The following SLAIN1 variants were observed in gnomAD, a reference collection of about 807,000 sequenced individuals.
The protein encoded by SLAIN1 is SLAIN motif-containing protein 1.
A neutral mutation model predicts 55.4 loss-of-function variants in SLAIN1; 17 were observed. The ratio of observed to expected loss-of-function variants is 0.31; its 90% CI spans 0.21 to 0.46. SLAIN1 has a LOEUF of 0.46. Among genes scored for constraint, SLAIN1 ranks in the 20% least tolerant of loss-of-function variants. SLAIN1 has a pLI of 1.00. For synonymous variants in SLAIN1, 348 were observed against 337.4 expected, an observed-to-expected ratio of 1.03 and a Z score of -0.35; for missense variants, 682 against 785.1, an observed-to-expected ratio of 0.87 and a Z score of 1.57.
chr13:77,736,751 A>G (rs1873139624), intron 2 of SLAIN1, among the ~76,000 whole-genome samples: 1 of 149,670 alleles, frequency 6.7e-6, no homozygotes, highest in East Asian at 2.0e-4. Context: ...AGTTGCCACT[A>G]TTAACTATTA....
intron 1 of SLAIN1, among the ~76,000 whole-genome samples, chr13:77,706,317 C>T (rs1163465013): frequency 6.6e-6 from 1 of 151,880 alleles, no homozygotes. Flanking sequence ...TAGCTAAGTC[C>T]TGTTAATTGC....
intron 3 of SLAIN1, among the ~76,000 whole-genome samples, chr13:77,746,155 T>A (rs1223976834): frequency 6.6e-6 from 1 of 152,164 alleles, no homozygotes; most frequent in Non-Finnish European, 1.5e-5. Context: ...TTTTAACTCA[T>A]AGCAAACTAT....
chr13:77,740,875 C>G (rs1873391731), intron 2 of SLAIN1, among the ~76,000 whole-genome samples: 1 of 152,092 alleles, frequency 6.6e-6, no homozygotes, highest in Admixed American at 6.6e-5. Flanking sequence ...TCCTCCTCCA[C>G]TGTAACCTTG....
At position 77,760,812 on chromosome 13, in the gene SLAIN1, T is replaced by C; in HGVS notation, c.1415-16T>C. Reference sequence around the variant, plus strand: ...TGGTAGAAGGTTGCTCACATGAATATCATTTTCTCTTCTAGTTCCATCACC... The same window carrying C: ...TGGTAGAAGGTTGCTCACATGAATACCATTTTCTCTTCTAGTTCCATCACC... On this transcript the variant is annotated splice_polypyrimidine_tract_variant and intron_variant, in intron 5 of 6. Transcript: ENST00000418532. 1 of 1,610,020 alleles carries C rather than the reference T, an allele frequency of 6.2e-7. No homozygotes were observed. The highest frequency in any genetic ancestry group is 8.5e-7 in the Non-Finnish European group (1 of 1,177,624).
intron 2 of SLAIN1, among the ~76,000 whole-genome samples, chr13:77,729,022 GA>G (rs934505684): frequency 1.3e-5 from 2 of 152,174 alleles, no homozygotes; most frequent in African/African-American, 4.8e-5. Context: ...CCTGTGTGCT[GA>G]AAATGGAAAA....
At chr13:77,722,331 T>C (rs1410906186) in intron 2 of SLAIN1, among the ~76,000 whole-genome samples, 1 of 152,148 alleles carries the variant, frequency 6.6e-6, no homozygotes, top group Non-Finnish European at 1.5e-5. Context: ...ACCAATTAGG[T>C]TGTTTACTGG....
rs1015188655 is a variant in SLAIN1, at chr13:77,697,739, C to T, written c.-175C>T. The T allele has an allele frequency of 6.7e-6, 3 of 445,078 alleles. No homozygotes were observed. The highest frequency in any genetic ancestry group is 1.1e-4 in the South Asian group (1 of 9,350). The allele number at this position is 445,078 out of a possible 1,614,324, so 27.6% of individuals were successfully genotyped here. A position where few individuals can be genotyped will look rare whatever the true frequency, so the allele number is the denominator to read the frequency against. On this transcript the variant is annotated 5_prime_UTR_variant, in exon 1 of 7. Coordinates refer to ENST00000418532, the MANE Select transcript of SLAIN1 (RefSeq NM_001242868.2). ...TGCAGATCAGCTCGGTGGTGGCTGCCGCGGCCGGAGGCGAGGGCCCGGTGC... is the reference window on the plus strand; with the variant it reads ...TGCAGATCAGCTCGGTGGTGGCTGCTGCGGCCGGAGGCGAGGGCCCGGTGC...
At chr13:77,702,557 A>T (rs1419204740) in intron 1 of SLAIN1, among the ~76,000 whole-genome samples, 1 of 152,140 alleles carries the variant, frequency 6.6e-6, no homozygotes, top group African/African-American at 2.4e-5. Flanking sequence ...CTAACTGCAT[A>T]CTAGACCTTC....
intron 2 of SLAIN1, among the ~76,000 whole-genome samples, chr13:77,733,704 C>T (rs138881054): frequency 1.9e-4 from 29 of 152,274 alleles, no homozygotes; most frequent in African/African-American, 6.7e-4. Context: ...AAATACATTA[C>T]AGTTGAATTC....
chr13:77,752,384 A>G (rs1874290881), intron 4 of SLAIN1, among the ~76,000 whole-genome samples: 1 of 149,772 alleles, frequency 6.7e-6, no homozygotes, highest in African/African-American at 2.5e-5. Flanking sequence ...CTTTTTAAAT[A>G]TAGTTTTAGC....
At chr13:77,726,220 A>G (rs962600452) in intron 2 of SLAIN1, among the ~76,000 whole-genome samples, 34 of 152,150 alleles carry the variant, frequency 2.2e-4, no homozygotes, top group African/African-American at 8.2e-4. Context: ...TTAATTTTGT[A>G]GGGAGACAGC....
chr13:77,761,065 A>G lies in SLAIN1; in HGVS notation c.1652A>G (p.Asn551Ser). Residue 551 changes from asparagine to serine, a missense_variant, in exon 6 of 7, where the codon AAT becomes AGT. Physicochemically the swap from Asn to Ser is conservative, Grantham distance 46. Coordinates refer to ENST00000418532, the MANE Select transcript of SLAIN1 (RefSeq NM_001242868.2). ...SALPRPSLAINGSNLPRSKIA... is the reference protein window; with the variant it reads ...SALPRPSLAISGSNLPRSKIA... ...CTCCCAAGACCTTCGTTGGCAATAA[A>G]TGGGAGTAACCTGCCTCGAAGCAAA... 6.2e-7 allele frequency: 1 copy of G among 1,614,180 alleles called. No homozygotes were observed. The highest frequency in any genetic ancestry group is 8.5e-7 in the Non-Finnish European group (1 of 1,180,018).
chr13:77,706,648 C>G (rs1016848987), intron 1 of SLAIN1, among the ~76,000 whole-genome samples: 9 of 148,790 alleles, frequency 6.0e-5, no homozygotes, highest in African/African-American at 2.3e-4. Context: ...GGATTCCCTT[C>G]TTCTTAAATC....
intron 2 of SLAIN1, among the ~76,000 whole-genome samples, chr13:77,727,282 T>G (rs2091315737): frequency 6.6e-6 from 1 of 152,142 alleles, no homozygotes; most frequent in Non-Finnish European, 1.5e-5. Context: ...GTATGTGACT[T>G]TTTCCAAATA....
chr13:77,697,794 C>T lies in SLAIN1; in HGVS notation c.-120C>T, dbSNP rs1157046371. The T allele has an allele frequency of 2.8e-6, 3 of 1,079,900 alleles. No individual in the cohort carries two copies. Among genetic ancestry groups the T allele is most frequent in the Non-Finnish European group, 3.4e-6 (3 of 869,772 alleles). 66.9% of individuals were successfully genotyped at this position (1,079,900 alleles called of 1,614,324 possible). On this transcript the variant is annotated 5_prime_UTR_variant, in exon 1 of 7. Coordinates refer to ENST00000418532, the MANE Select transcript of SLAIN1 (RefSeq NM_001242868.2). ...GCGAACCGCCGGCTCGGCCTCAGCC[C>T]GCGCGTGGTCGGCCCCCCAGGCCGG...
intron 1 of SLAIN1, among the ~76,000 whole-genome samples, chr13:77,703,579 T>G (rs1395416449): frequency 6.6e-6 from 1 of 152,040 alleles, no homozygotes; most frequent in Non-Finnish European, 1.5e-5. Context: ...TACCTGCAAC[T>G]GGGCGAGGCA....
intron 1 of SLAIN1, among the ~76,000 whole-genome samples, chr13:77,705,377 T>C (rs2091079278): frequency 6.6e-6 from 1 of 151,966 alleles, no homozygotes; most frequent in Non-Finnish European, 1.5e-5. Context: ...ACATTCCAAA[T>C]AGTAGTTTGA....
At chr13:77,723,975 A>G (rs1049028285) in intron 2 of SLAIN1, among the ~76,000 whole-genome samples, 1 of 151,372 alleles carries the variant, frequency 6.6e-6, no homozygotes, top group Non-Finnish European at 1.5e-5. Context: ...ACTGCTGCAT[A>G]TTGAGTGACT....
Position 77,698,798 on chromosome 13 carries a change from G to A in SLAIN1, c.626+259G>A. 7.4e-7 allele frequency: 1 copy of A among 1,351,710 alleles called. No individual in the cohort carries two copies. The highest frequency in any genetic ancestry group is 9.8e-7 in the Non-Finnish European group (1 of 1,017,842). 83.7% of individuals were successfully genotyped at this position (1,351,710 alleles called of 1,614,324 possible). On this transcript the variant is annotated intron_variant, in intron 1 of 6. Transcript: ENST00000418532. This position sits in a 1 kb window ranked among gnomAD's most constrained non-coding sequence, Gnocchi z 4.1. Reference sequence around the variant, plus strand: ...CCCCCCCTTCCCCCCATCTGCCATGGGTTCTGCTATTTGCTGATTGTTGGG... The same window carrying A: ...CCCCCCCTTCCCCCCATCTGCCATGAGTTCTGCTATTTGCTGATTGTTGGG...
Sources: gnomAD v4.1 joint callset for allele counts (sites outside exome capture counted in the v4.1 genomes callset) on GRCh38, gnomAD v4.1.1 for gene constraint, Gnocchi (gnomAD v3.1) non-coding constraint, MANE v1.5 for transcripts, NCBI Gene and HGNC (gene_info 2026-07-23, HGNC 2026-07-21) for gene names.